The following ATP9B variants were observed in gnomAD, a reference collection of about 807,000 sequenced individuals.
ATP9B encodes probable phospholipid-transporting ATPase IIB.
Under a neutral mutation model 146.1 loss-of-function variants are expected in ATP9B, and 110 were observed. The ratio of observed to expected loss-of-function variants is 0.75; its 90% CI spans 0.65 to 0.88. The LOEUF (loss-of-function observed/expected upper bound fraction) is 0.88, where lower values mean the gene tolerates loss of function less well. Ranked by LOEUF, ATP9B falls within the 40% of genes least tolerant of loss-of-function variation. The pLI is 0.00. For synonymous variants in ATP9B, 604 were observed against 569.7 expected (o/e 1.06, Z -0.86); for missense variants, 1,499 against 1,496.4 (o/e 1.00, Z -0.03).
intron 6 of ATP9B, among the ~76,000 whole-genome samples, chr18:79,154,026 T>C (rs1414752105): frequency 6.8e-6 from 1 of 146,888 alleles, no homozygotes; most frequent in Non-Finnish European, 1.5e-5. Flanking sequence ...TGGCACAATC[T>C]CCACTCACTA....
chr18:79,158,512 T>C (rs2094829894), intron 7 of ATP9B, among the ~76,000 whole-genome samples: 1 of 152,122 alleles, frequency 6.6e-6, no homozygotes, highest in African/African-American at 2.4e-5. Flanking sequence ...AGGCTGGTCT[T>C]GACCACCTGG....
chr18:79,347,804 C>G lies in ATP9B; in HGVS notation c.2717C>G (p.Ser906Cys). ...CAGGCCTCGCTGGCGGCCGACTTCTCCATCACGCAGTTCCGGCACATAGGC... is the reference window on the plus strand; with the variant it reads ...CAGGCCTCGCTGGCGGCCGACTTCTGCATCACGCAGTTCCGGCACATAGGC... ...GKQASLAADF[S>C]ITQFRHIGRL... is the part of the protein sequence containing the mutation. Residue 906 changes from serine to cysteine, a missense_variant, in exon 24 of 30, where the codon TCC becomes TGC. Ser to Cys is a moderately radical substitution (Grantham distance 112, BLOSUM62 -1). Coordinates refer to ENST00000426216, the MANE Select transcript of ATP9B (RefSeq NM_198531.5). The G allele has an allele frequency of 6.2e-7, 1 of 1,605,966 alleles. No homozygotes were observed. Among genetic ancestry groups the G allele is most frequent in the Non-Finnish European group, 8.5e-7 (1 of 1,174,744 alleles).
At chr18:79,351,301 CGAGTGCTCTGCAGCGTCCCCA>C (rs1402298366) in intron 25 of ATP9B, among the ~76,000 whole-genome samples, 1 of 152,192 alleles carries the variant, frequency 6.6e-6, no homozygotes, top group Non-Finnish European at 1.5e-5. Context: ...CCTCACAGCC[CGAGTGCTCTGCAGCGTCCCCA>C]GCTCCTGTTC....
intron 7 of ATP9B, among the ~76,000 whole-genome samples, chr18:79,165,640 C>T (rs2094953448): frequency 6.6e-6 from 1 of 152,142 alleles, no homozygotes; most frequent in African/African-American, 2.4e-5. Context: ...ACTGAGTCTG[C>T]AGAAATTGAG....
rs1205415110 is a variant in ATP9B, at chr18:79,234,589, GTGCTTGCTGTGGGCC to G, written c.1108-18763_1108-18749del. On this transcript the variant is annotated intron_variant, in intron 11 of 29. Coordinates refer to ENST00000426216, the MANE Select transcript of ATP9B (RefSeq NM_198531.5). ...TGCTGTGGGCTTGCTTGCTGTGGGT[GTGCTTGCTGTGGGCC>G]TGCTTGCTGTGGGCCTGCTTGCTGT... 8.5e-3 allele frequency among the ~76,000 whole-genome samples: 1,282 copies of G among 150,646 alleles called. 12 individuals carry two copies. Among genetic ancestry groups the G allele is most frequent in the African/African-American group, 0.023 (947 of 41,064 alleles).
At chr18:79,286,040 G>C (rs200853933) in intron 13 of ATP9B, among the ~76,000 whole-genome samples, 63,785 of 149,694 alleles carry the variant, frequency 0.43, 13,501 homozygotes, top group East Asian at 0.64. Flanking sequence ...GTAGTTTGAA[G>C]TCAGGTAGCA....
intron 11 of ATP9B, among the ~76,000 whole-genome samples, chr18:79,231,256 G>A (rs774394286): frequency 6.6e-6 from 1 of 151,830 alleles, no homozygotes; most frequent in Non-Finnish European, 1.5e-5. Flanking sequence ...ATCTGACAAA[G>A]GACTAATATT....
chr18:79,347,927 T>TA lies in ATP9B; in HGVS notation c.2838+3dup. The TA allele has an allele frequency of 6.2e-7, 1 of 1,610,494 alleles. No homozygotes were observed. The highest frequency in any genetic ancestry group is 8.5e-7 in the Non-Finnish European group (1 of 1,179,268). ...GGCCTTATCATCTCCACCATGCAGG[T>TA]ACTAAGCCTTCTGTGCTGGCACCCA... On this transcript the variant is annotated splice_region_variant and intron_variant, in intron 24 of 29. Coordinates refer to ENST00000426216, the MANE Select transcript of ATP9B (RefSeq NM_198531.5).
chr18:79,342,497 T>A (rs4799043), intron 20 of ATP9B, 131 bp downstream of exon 20: 219,839 of 562,048 alleles, frequency 0.39, 44,240 homozygotes, highest in Middle Eastern at 0.52. Flanking sequence ...GTAATTTTTT[T>A]AATTTATAAC....
At chr18:79,263,757 T>C (rs1208986208) in intron 12 of ATP9B, among the ~76,000 whole-genome samples, 1 of 152,230 alleles carries the variant, frequency 6.6e-6, no homozygotes, top group African/African-American at 2.4e-5. Flanking sequence ...CATTTCATGA[T>C]GTGTACTCCA....
chr18:79,113,186 G>T (rs921628555), intron 3 of ATP9B, 55 bp from the exon 4 acceptor site: 3 of 842,788 alleles, frequency 3.6e-6, no homozygotes, highest in African/African-American at 1.8e-5. Context: ...TTTAATTTAG[G>T]TATTAAAATT....
intron 10 of ATP9B, 130 bp from the exon 11 acceptor site, chr18:79,213,832 C>T (rs1474800699): frequency 2.9e-6 from 2 of 687,176 alleles, no homozygotes. Context: ...AAATTAAATA[C>T]ACTGTTGGAT....
chr18:79,153,696 G>A (rs930140835), intron 6 of ATP9B, among the ~76,000 whole-genome samples: 2 of 150,512 alleles, frequency 1.3e-5, no homozygotes, highest in African/African-American at 4.9e-5. Context: ...TGCTTGCCAG[G>A]CTGAAGTGCA....
chr18:79,345,866 T>C (rs200252292), intron 23 of ATP9B, 27 bp downstream of exon 23: 3 of 1,612,766 alleles, frequency 1.9e-6, no homozygotes, highest in African/African-American at 1.3e-5. Flanking sequence ...ATCAACACAT[T>C]AGCACACAGT....
chr18:79,093,928 C>A lies in ATP9B; in HGVS notation c.120-2548C>A, dbSNP rs1219662119. 3.9e-5 allele frequency among the ~76,000 whole-genome samples: 6 copies of A among 152,306 alleles called. No homozygotes were observed. The East Asian group carries it at 1.2e-3, about 29-fold the overall frequency. On this transcript the variant is annotated intron_variant, in intron 1 of 29. Transcript: ENST00000426216. ...AATTAGCATTTGTTGGTTGTTCTTT[C>A]TCTTGACTATTGGCCATATTTCCCT...
chr18:79,143,524 T>TTAA (rs2094539596), intron 5 of ATP9B, among the ~76,000 whole-genome samples: 1 of 152,198 alleles, frequency 6.6e-6, no homozygotes, highest in Admixed American at 6.5e-5. Flanking sequence ...ACTGAAACAA[T>TTAA]TACAAAACAT....
intron 12 of ATP9B, among the ~76,000 whole-genome samples, chr18:79,270,383 AT>A (rs1178918407): frequency 1.3e-5 from 2 of 152,120 alleles, no homozygotes; most frequent in African/African-American, 2.4e-5. Flanking sequence ...TTACTTTAAA[AT>A]TTTTAAATTA....
chr18:79,363,934 G>A (rs1237926168), intron 26 of ATP9B: 1 of 151,840 alleles, frequency 6.6e-6, no homozygotes, highest in Non-Finnish European at 1.5e-5. Flanking sequence ...AATTTATATG[G>A]CAAGGCAAGG....
intron 13 of ATP9B, among the ~76,000 whole-genome samples, chr18:79,288,530 C>G (rs1218840341): frequency 6.6e-6 from 1 of 151,948 alleles, no homozygotes; most frequent in African/African-American, 2.4e-5. Context: ...GATGGGTTTC[C>G]TGAATACAGC....
Sources: gnomAD v4.1 joint callset for allele counts (sites outside exome capture counted in the v4.1 genomes callset) on GRCh38, gnomAD v4.1.1 for gene constraint, MANE v1.5 for transcripts, NCBI Gene and HGNC (gene_info 2026-07-23, HGNC 2026-07-21) for gene names.